SLC35A4: variants seen among roughly 807,000 people sequenced by gnomAD.
The protein encoded by SLC35A4 is solute carrier family 35 member A4.
SLC35A4 carries 9 observed loss-of-function variants against 18.8 expected under a neutral mutation model. The observed-to-expected ratio is 0.48, with a 90% CI of 0.29 to 0.83. The LOEUF is 0.83. Among genes scored for constraint, SLC35A4 ranks in the 40% least tolerant of loss-of-function variants. The pLI, the probability that SLC35A4 is intolerant of heterozygous loss-of-function variation, is 0.09. For synonymous variants in SLC35A4, 189 were observed against 191.9 expected (o/e 0.98, Z 0.13); for missense variants, 404 against 415.5 (o/e 0.97, Z 0.24).
chr5:140,566,709 G>A lies in SLC35A4; in HGVS notation c.-461G>A, dbSNP rs923635356. On this transcript the variant is annotated 5_prime_UTR_variant, in exon 3 of 3. It adds an upstream start codon to the 5' untranslated region. Transcript: ENST00000323146. ...GGCTCAGGCATATGCTGTGCCCAAC[G>A]TGGAGAAGACATTAAGGGACTATTT... 1 of 577,656 alleles carries A rather than the reference G, an allele frequency of 1.7e-6. No homozygotes were observed. The highest frequency in any genetic ancestry group is 3.2e-5 in the Admixed American group (1 of 31,538). The allele number at this position is 577,656 out of a possible 1,614,324, so 35.8% of individuals were successfully genotyped here.
In SLC35A4 at chr5:140,567,650, C is replaced by T. The variant is rs766094767; in HGVS notation, c.481C>T (p.Leu161Phe). ...GGGAGCCTGCTATGCAGCAGGGGGC[C>T]TTCAAGTTCCCGGGAACACCCTTCC... is the stretch of plus-strand genomic sequence containing the variant. ...AAGACYAAGG[L>F]QVPGNTLPSP... The change falls in exon 3 of 3, where the codon CTT becomes TTT. Residue 161 changes from leucine to phenylalanine, a missense_variant. Coordinates refer to ENST00000323146, the MANE Select transcript of SLC35A4 (RefSeq NM_080670.4). 1 of 1,614,128 alleles carries T rather than the reference C, an allele frequency of 6.2e-7. No homozygotes were observed. Among genetic ancestry groups the T allele is most frequent in the Admixed American group, 1.7e-5 (1 of 60,030 alleles).
intron 1 of SLC35A4, chr5:140,565,210 C>T (rs1755156097): frequency 3.3e-6 from 1 of 299,530 alleles, no homozygotes; most frequent in African/African-American, 2.1e-5. Context: ...GACACTCACA[C>T]CACCCTCATT....
rs61748966 is a variant in SLC35A4 at position 140,567,573 on chromosome 5, G to C, written c.404G>C (p.Arg135Pro). Reference protein sequence around the residue: ...STAVLYCLCLRHRLSVRQGLA... With the variant: ...STAVLYCLCLPHRLSVRQGLA... Reference sequence around the variant, plus strand: ...GCTGTGCTCTACTGCCTCTGCCTCCGGCACCGCCTCTCTGTGCGTCAGGGG... The same window carrying C: ...GCTGTGCTCTACTGCCTCTGCCTCCCGCACCGCCTCTCTGTGCGTCAGGGG... Residue 135 changes from arginine to proline, a missense_variant, in exon 3 of 3, where the codon CGG becomes CCG. Physicochemically the swap from Arg to Pro is moderately radical, Grantham distance 103. Transcript: ENST00000323146. 1.9e-6 allele frequency: 3 copies of C among 1,614,172 alleles called. No individual in the cohort carries two copies. The South Asian group carries it at 3.3e-5, about 18-fold the overall frequency.
At position 140,566,774 on chromosome 5, in the gene SLC35A4, A is replaced by G. The variant is rs1342255086; in HGVS notation, c.-396A>G. 6.7e-6 allele frequency: 4 copies of G among 599,600 alleles called. No homozygotes were observed. Among genetic ancestry groups the G allele is most frequent in the Non-Finnish European group, 1.2e-5 (4 of 337,006 alleles). 37.1% of individuals were successfully genotyped at this position (599,600 alleles called of 1,614,324 possible). On this transcript the variant is annotated 5_prime_UTR_variant, in exon 3 of 3. An upstream start codon of the reference 5' UTR is lost. Transcript: ENST00000323146. ...AGGGGCCCGACTAGCTCTAGGTGCCATGGAAGAGGCAGGATGAGCAGCTCA... is the reference window on the plus strand; with the variant it reads ...AGGGGCCCGACTAGCTCTAGGTGCCGTGGAAGAGGCAGGATGAGCAGCTCA...
In SLC35A4 at chr5:140,568,344, G is replaced by A. The variant is rs1326750773; in HGVS notation, c.*200G>A. 1 of 810,382 alleles carries A rather than the reference G, an allele frequency of 1.2e-6. No individual in the cohort carries two copies. The highest frequency in any genetic ancestry group is 2.7e-5 in the East Asian group (1 of 36,676). The allele number at this position is 810,382 out of a possible 1,614,324, so 50.2% of individuals were successfully genotyped here. On this transcript the variant is annotated 3_prime_UTR_variant, in exon 3 of 3. Transcript: ENST00000323146. The stretch of plus-strand genomic sequence containing the variant: ...TACCCCTAGGAGATGTGAAGTGTGG[G>A]TTTGGTTAAGGAAATGCTTACCATC...
At chr5:140,565,482 T>C (rs1755163979) in intron 1 of SLC35A4, 1 of 158,992 alleles carries the variant, frequency 6.3e-6, no homozygotes, top group Admixed American at 6.5e-5. Context: ...ATTTACTAAA[T>C]GTCAGGCACT....
Position 140,567,210 on chromosome 5 carries a change from C to G in SLC35A4, c.41C>G (p.Pro14Arg). ...GGGGGTATGCCAGGCCTGGGCCGTC[C>G]CAGGCAGGCCCGCTGGACCCTGATG... Reference protein sequence around the residue: ...EDGGMPGLGRPRQARWTLMLL... With the variant: ...EDGGMPGLGRRRQARWTLMLL... The change falls in exon 3 of 3, where the codon CCC becomes CGC. Residue 14 changes from proline to arginine, a missense_variant. Physicochemically the swap from Pro to Arg is moderately radical, Grantham distance 103. Transcript: ENST00000323146. The G allele has an allele frequency of 6.2e-7, 1 of 1,614,148 alleles. No individual in the cohort carries two copies. The highest frequency in any genetic ancestry group is 8.5e-7 in the Non-Finnish European group (1 of 1,179,990).
rs1460958783 is a variant in SLC35A4, at chr5:140,566,969, C to T, written c.-201C>T. The T allele has an allele frequency of 1.2e-6, 1 of 808,938 alleles. No homozygotes were observed. The highest frequency in any genetic ancestry group is 2.1e-6 in the Non-Finnish European group (1 of 482,864). The allele number at this position is 808,938 out of a possible 1,614,324, so 50.1% of individuals were successfully genotyped here. A position where few individuals can be genotyped will look rare whatever the true frequency, so the allele number is the denominator to read the frequency against. On this transcript the variant is annotated 5_prime_UTR_variant, in exon 3 of 3. Coordinates refer to ENST00000323146, the MANE Select transcript of SLC35A4 (RefSeq NM_080670.4). The stretch of plus-strand genomic sequence containing the variant: ...CCTTCCTAGCTCCATGGGACTCGCC[C>T]CAAGACTGTGGCTTCAAGGACCACC...
In SLC35A4 at chr5:140,565,934, G is replaced by A. The variant is rs949764126; in HGVS notation, c.-643G>A. 3 of 398,810 alleles carry A rather than the reference G, an allele frequency of 7.5e-6. No homozygotes were observed. Among genetic ancestry groups the A allele is most frequent in the Admixed American group, 4.4e-5 (1 of 22,708 alleles). 24.7% of individuals were successfully genotyped at this position (398,810 alleles called of 1,614,324 possible). A position where few individuals can be genotyped will look rare whatever the true frequency, so the allele number is the denominator to read the frequency against. On this transcript the variant is annotated 5_prime_UTR_variant, in exon 2 of 3. Coordinates refer to ENST00000323146, the MANE Select transcript of SLC35A4 (RefSeq NM_080670.4). ...AAGAACCAGCTGGAAAGCCTGCAGCGGCGTGTAGAAGACGAAGTCAACAGT... is the reference window on the plus strand; with the variant it reads ...AAGAACCAGCTGGAAAGCCTGCAGCAGCGTGTAGAAGACGAAGTCAACAGT...
At position 140,568,496 on chromosome 5, in the gene SLC35A4, G is replaced by C. The variant is rs1027682033; in HGVS notation, c.*352G>C. On this transcript the variant is annotated 3_prime_UTR_variant, in exon 3 of 3. Transcript: ENST00000323146. Reference sequence around the variant, plus strand: ...TCCTGCATGAACAGAGTTGATGAAAGTGGGGTGTGGGCAACAAGTGGCTTT... The same window carrying C: ...TCCTGCATGAACAGAGTTGATGAAACTGGGGTGTGGGCAACAAGTGGCTTT... 1 of 302,748 alleles carries C rather than the reference G, an allele frequency of 3.3e-6. No individual in the cohort carries two copies. Among genetic ancestry groups the C allele is most frequent in the African/African-American group, 2.2e-5 (1 of 45,050 alleles). 18.8% of individuals were successfully genotyped at this position (302,748 alleles called of 1,614,324 possible). A position where few individuals can be genotyped will look rare whatever the true frequency, so the allele number is the denominator to read the frequency against.
Position 140,566,823 on chromosome 5 carries a change from C to G in SLC35A4, c.-347C>G. On this transcript the variant is annotated 5_prime_UTR_variant, in exon 3 of 3. The change creates a new upstream start codon in the 5' untranslated region. Transcript: ENST00000323146. ...CAGCCTTCAGGTGGAGACACTTTAT[C>G]TGGATTCCCCAGCTGTCATCCATTT... The G allele has an allele frequency of 3.3e-6, 2 of 602,572 alleles. No homozygotes were observed. The highest frequency in any genetic ancestry group is 4.0e-5 in the South Asian group (2 of 50,480). The allele number at this position is 602,572 out of a possible 1,614,324, so 37.3% of individuals were successfully genotyped here. A position where few individuals can be genotyped will look rare whatever the true frequency, so the allele number is the denominator to read the frequency against.
chr5:140,567,894 G>C lies in SLC35A4; in HGVS notation c.725G>C (p.Gly242Ala). 9 of 1,614,198 alleles carry C rather than the reference G, an allele frequency of 5.6e-6. No homozygotes were observed. The highest frequency in any genetic ancestry group is 5.9e-6 in the Non-Finnish European group (7 of 1,180,038). Residue 242 changes from glycine to alanine, a missense_variant, in exon 3 of 3, where the codon GGC becomes GCC. Physicochemically the swap from Gly to Ala is moderately conservative, Grantham distance 60. Transcript: ENST00000323146. ...NLGLHAGGGS[G>A]PGLLEGFSGW... ...GGTCTGCATGCTGGCGGCGGCTCTG[G>C]CCCAGGCCTCCTGGAAGGTTTCTCA...
rs147478659 is a variant in SLC35A4 at position 140,567,362 on chromosome 5, T to G, written c.193T>G (p.Cys65Gly). The change falls in exon 3 of 3, where the codon TGC becomes GGC. Residue 65 changes from cysteine to glycine, a missense_variant. Transcript: ENST00000323146. ...GACTGAGCTGACCAAGCTACTGTTATGCGCCTTCTCCCTTCTGGTAGGCTG... is the reference window on the plus strand; with the variant it reads ...GACTGAGCTGACCAAGCTACTGTTAGGCGCCTTCTCCCTTCTGGTAGGCTG... The part of the protein sequence containing the change: ...LLTELTKLLL[C>G]AFSLLVGWQA... 2.5e-6 allele frequency: 4 copies of G among 1,614,092 alleles called. No homozygotes were observed. In the African/African-American group the frequency reaches 4.0e-5, roughly 16 times the overall value.
intron 1 of SLC35A4, chr5:140,565,610 C>T (rs1247524541): frequency 2.2e-5 from 6 of 268,020 alleles, no homozygotes; most frequent in East Asian, 6.5e-5. Context: ...GCCTTTCCTA[C>T]ATACTGCTTG....
rs1233821218 is a variant in SLC35A4, at chr5:140,567,674, C to T, written c.505C>T (p.Pro169Ser). ...GGLQVPGNTLPSPPPAAAASP... is the reference protein window; with the variant it reads ...GGLQVPGNTLSSPPPAAAASP... ...CCTTCAAGTTCCCGGGAACACCCTT[C>T]CCAGTCCCCCTCCAGCAGCTGCTGC... The change falls in exon 3 of 3, where the codon CCC (proline) becomes TCC (serine). Residue 169 changes from proline (P) to serine (S), a missense_variant. By Grantham distance (74) the Pro-to-Ser change is moderately conservative. Transcript: ENST00000323146. The T allele has an allele frequency of 1.2e-6, 2 of 1,613,970 alleles. No individual in the cohort carries two copies. The highest frequency in any genetic ancestry group is 1.3e-5 in the African/African-American group (1 of 74,928).
At position 140,567,240 on chromosome 5, in the gene SLC35A4, T is replaced by C. The variant is rs1755209591; in HGVS notation, c.71T>C (p.Leu24Pro). 1 of 1,614,058 alleles carries C rather than the reference T, an allele frequency of 6.2e-7. No homozygotes were observed. The highest frequency in any genetic ancestry group is 1.1e-5 in the South Asian group (1 of 91,088). Residue 24 changes from leucine (L) to proline (P), a missense_variant, in exon 3 of 3, where the codon CTC becomes CCC. Transcript: ENST00000323146. ...PRQARWTLMLLLSTAMYGAHA... is the reference protein window; with the variant it reads ...PRQARWTLMLPLSTAMYGAHA... The stretch of plus-strand genomic sequence containing the variant: ...CAGGCCCGCTGGACCCTGATGCTAC[T>C]CCTATCCACTGCCATGTACGGTGCC...
At position 140,564,989 on chromosome 5, in the gene SLC35A4, T is replaced by G. The variant is rs1382320880; in HGVS notation, c.-705+131T>G. 3.5e-5 allele frequency: 14 copies of G among 399,066 alleles called. No individual in the cohort carries two copies. Among genetic ancestry groups the G allele is most frequent in the Non-Finnish European group, 5.7e-5 (13 of 226,098 alleles). 24.7% of individuals were successfully genotyped at this position (399,066 alleles called of 1,614,324 possible). A position where few individuals can be genotyped will look rare whatever the true frequency, so the allele number is the denominator to read the frequency against. ...TCCCTTGTTTCTTCTGCGGCTCCTG[T>G]CAACTGCCTCAACAGTGTGGAGTGG... is the stretch of plus-strand genomic sequence containing the variant. On this transcript the variant is annotated intron_variant, in intron 1 of 2. Coordinates refer to ENST00000323146, the MANE Select transcript of SLC35A4 (RefSeq NM_080670.4). The surrounding 1 kb of genome is among the most constrained non-coding windows in gnomAD (Gnocchi z 5.0).
rs760021729 is a variant in SLC35A4 at position 140,567,109 on chromosome 5, A to ATTT, written c.-59_-57dup. ...TCCTGGGAGCTGGCTCCATAACTTG[A>ATTT]TTTTCCCCAAACGTGTTGCAATCCC... On this transcript the variant is annotated 5_prime_UTR_variant, in exon 3 of 3. Coordinates refer to ENST00000323146, the MANE Select transcript of SLC35A4 (RefSeq NM_080670.4). The ATTT allele has an allele frequency of 6.2e-7, 1 of 1,612,764 alleles. No homozygotes were observed. The highest frequency in any genetic ancestry group is 8.5e-7 in the Non-Finnish European group (1 of 1,179,862).
At position 140,568,332 on chromosome 5, in the gene SLC35A4, T is replaced by C. The variant is rs931939480; in HGVS notation, c.*188T>C. 1 of 877,016 alleles carries C rather than the reference T, an allele frequency of 1.1e-6. No homozygotes were observed. Among genetic ancestry groups the C allele is most frequent in the Non-Finnish European group, 1.7e-6 (1 of 574,466 alleles). 54.3% of individuals were successfully genotyped at this position (877,016 alleles called of 1,614,324 possible). The stretch of plus-strand genomic sequence containing the variant: ...TGGATGAAGGGGTACCCCTAGGAGA[T>C]GTGAAGTGTGGGTTTGGTTAAGGAA... On this transcript the variant is annotated 3_prime_UTR_variant, in exon 3 of 3. Transcript: ENST00000323146.
Sources: gnomAD v4.1 joint callset for allele counts on GRCh38, gnomAD v4.1.1 for gene constraint, Gnocchi (gnomAD v3.1) non-coding constraint, MANE v1.5 for transcripts, NCBI Gene and HGNC (gene_info 2026-07-23, HGNC 2026-07-21) for gene names.